The following SCHIP1 variants were observed in gnomAD, a reference collection of about 807,000 sequenced individuals.
The protein encoded by SCHIP1 is schwannomin-interacting protein 1.
In SCHIP1, 8 loss-of-function variants were observed where a neutral mutation model predicts 29.7. The ratio of observed to expected loss-of-function variants is 0.27; its 90% CI spans 0.16 to 0.49. The LOEUF (loss-of-function observed/expected upper bound fraction) is 0.49. Ranked by LOEUF, SCHIP1 falls within the 20% of genes least tolerant of loss-of-function variation. The pLI is 0.99. For missense variants in SCHIP1, 193 were observed against 294.6 expected (o/e 0.66, Z 2.52); for synonymous variants, 76 against 94.9 (o/e 0.80, Z 1.16).
At chr3:159,722,378 A>G in the SCHIP1 span, 3 of 153,326 alleles carry the variant, frequency 2.0e-5, no homozygotes, top group African/African-American at 7.2e-5. Context: ...GCACCAATAG[A>G]AAGTCTTCTC....
chr3:159,777,988 C>T, the SCHIP1 span, among the ~76,000 whole-genome samples: 1 of 149,708 alleles, frequency 6.7e-6, no homozygotes, highest in East Asian at 1.9e-4. Flanking sequence ...AAACAGGAAA[C>T]ATTTTTTTTT....
the SCHIP1 span, among the ~76,000 whole-genome samples, chr3:159,297,937 T>C: frequency 7.2e-5 from 11 of 152,170 alleles, no homozygotes; most frequent in African/African-American, 2.7e-4. Flanking sequence ...ACTGTATTTT[T>C]CCTCAGAGTA....
At chr3:159,331,336 T>A in the SCHIP1 span, among the ~76,000 whole-genome samples, 18 of 152,114 alleles carry the variant, frequency 1.2e-4, no homozygotes, top group Non-Finnish European at 2.6e-4. Context: ...CTTTTGCAGG[T>A]GTTAAATGGT....
At chr3:159,297,470 G>A in the SCHIP1 span, among the ~76,000 whole-genome samples, 3 of 152,064 alleles carry the variant, frequency 2.0e-5, no homozygotes, top group Non-Finnish European at 4.4e-5. Context: ...TTTCAGGGAG[G>A]TTGAGTCACT....
intron 2 of SCHIP1, among the ~76,000 whole-genome samples, chr3:159,874,199 T>C (rs759196552): frequency 2.6e-5 from 4 of 152,190 alleles, no homozygotes; most frequent in African/African-American, 4.8e-5. Context: ...AGAGAACTTA[T>C]TTACATACAT....
At position 159,859,920 on chromosome 3, in the gene SCHIP1, C is replaced by T. The variant is rs1274328566; in HGVS notation, c.31-6243C>T. The stretch of plus-strand genomic sequence containing the variant: ...TGTACTTACAAGCCCTCCAGGTAAT[C>T]CTCTTGCACAGTCAATCAAGTTTGA... On this transcript the variant is annotated intron_variant, in intron 1 of 6. Transcript: ENST00000445224. 2.0e-5 allele frequency among the ~76,000 whole-genome samples: 3 copies of T among 152,094 alleles called. No homozygotes were observed. The East Asian group carries it at 5.8e-4, about 29-fold the overall frequency.
the SCHIP1 span, among the ~76,000 whole-genome samples, chr3:159,642,822 T>G: frequency 6.6e-6 from 1 of 152,068 alleles, no homozygotes; most frequent in East Asian, 1.9e-4. Context: ...AGACTATGAG[T>G]ACAAGGACTC....
the SCHIP1 span, among the ~76,000 whole-genome samples, chr3:159,551,343 A>C: frequency 6.6e-6 from 1 of 152,174 alleles, no homozygotes; most frequent in African/African-American, 2.4e-5. Flanking sequence ...TATGCACCAC[A>C]CCAAATCCCA....
At chr3:159,896,654 A>G (rs1315231974) in intron 6 of SCHIP1, 69 bp from the exon 8 acceptor site, 1 of 1,454,678 alleles carries the variant, frequency 6.9e-7, no homozygotes, top group Non-Finnish European at 9.2e-7. Flanking sequence ...AGGATGCTGT[A>G]GCTATTGATT....
chr3:159,486,804 TA>T, the SCHIP1 span, among the ~76,000 whole-genome samples: 1 of 152,218 alleles, frequency 6.6e-6, no homozygotes, highest in African/African-American at 2.4e-5. Context: ...TTTCAGTCTG[TA>T]GCTTTTGTCT....
At chr3:159,413,332 G>A in the SCHIP1 span, among the ~76,000 whole-genome samples, 12 of 152,218 alleles carry the variant, frequency 7.9e-5, no homozygotes, top group Middle Eastern at 3.4e-3. Flanking sequence ...CCTCAATGGC[G>A]GTTATGCAGA....
chr3:159,425,708 G>A, the SCHIP1 span, among the ~76,000 whole-genome samples: 2 of 152,278 alleles, frequency 1.3e-5, no homozygotes, highest in East Asian at 3.9e-4. Context: ...GACATCTACA[G>A]AACTCTCCAC....
chr3:159,557,021 G>A, the SCHIP1 span, among the ~76,000 whole-genome samples: 18 of 151,058 alleles, frequency 1.2e-4, no homozygotes, highest in Admixed American at 5.3e-4. Flanking sequence ...GCAGTGGCAC[G>A]ATCTCGGCTC....
At chr3:159,843,021 T>TTTTTTTTTTTTTTTTTTTTG in intron 1 of SCHIP1, among the ~76,000 whole-genome samples, 1 of 101,184 alleles carries the variant, frequency 9.9e-6, no homozygotes, top group Non-Finnish European at 1.9e-5. Context: ...TTTTTTTTTT[T>TTTTTTTTTTTTTTTTTTTTG]TTTTTTTTGA....
chr3:159,856,697 G>C (rs1307714892), intron 1 of SCHIP1, among the ~76,000 whole-genome samples: 2 of 152,212 alleles, frequency 1.3e-5, no homozygotes, highest in Non-Finnish European at 2.9e-5. Flanking sequence ...TTGTTCCTCA[G>C]GGGTGCCGTC....
the SCHIP1 span, among the ~76,000 whole-genome samples, chr3:159,589,653 G>A: frequency 3.8e-3 from 583 of 152,236 alleles, 2 homozygotes; most frequent in African/African-American, 0.012. Flanking sequence ...TGTACTAAGC[G>A]TTCTGTTAAC....
At chr3:159,327,776 C>G in the SCHIP1 span, among the ~76,000 whole-genome samples, 2 of 152,040 alleles carry the variant, frequency 1.3e-5, no homozygotes, top group South Asian at 4.1e-4. Flanking sequence ...CATTTTATAG[C>G]CTTTGTAGAA....
the SCHIP1 span, among the ~76,000 whole-genome samples, chr3:159,685,253 C>T: frequency 1.1e-4 from 16 of 152,298 alleles, no homozygotes; most frequent in African/African-American, 3.6e-4. Flanking sequence ...ACTTGTTTTG[C>T]ATTTTCCCAT....
chr3:159,605,665 A>G, the SCHIP1 span, among the ~76,000 whole-genome samples: 1 of 152,238 alleles, frequency 6.6e-6, no homozygotes, highest in African/African-American at 2.4e-5. Flanking sequence ...AGAAAAAAAC[A>G]GCTACGTTAA....
Sources: allele counts gnomAD v4.1 joint callset (sites outside exome capture counted in the v4.1 genomes callset), GRCh38; gene constraint gnomAD v4.1.1; transcripts MANE v1.5; gene names NCBI Gene and HGNC (gene_info 2026-07-23, HGNC 2026-07-21).